ING1: variants seen among roughly 807,000 people sequenced by gnomAD.
ING1 encodes inhibitor of growth protein 1.
ING1 carries 4 observed loss-of-function variants against 23.1 expected under a neutral mutation model. The ratio of observed to expected loss-of-function variants is 0.17; its 90% CI spans 0.09 to 0.40. The LOEUF (loss-of-function observed/expected upper bound fraction) is 0.40. Among genes scored for constraint, ING1 ranks in the 10% least tolerant of loss-of-function variants. The pLI is 1.00. For missense variants in ING1, 256 were observed against 393.8 expected (o/e 0.65, Z 2.96); for synonymous variants, 179 against 166.4 (o/e 1.08, Z -0.58).
intron 1 of ING1, chr13:110,715,819 C>A: frequency 6.3e-7 from 1 of 1,584,298 alleles, no homozygotes; most frequent in South Asian, 1.1e-5. Context: ...GTCGCCCCGG[C>A]CCCTCTCCCC....
intron 1 of ING1, among the ~76,000 whole-genome samples, chr13:110,718,668 TAAAATAAAGA>T (rs2064143606): frequency 6.6e-6 from 1 of 152,058 alleles, no homozygotes; most frequent in African/African-American, 2.4e-5. Flanking sequence ...GTTGGTATAT[TAAAATAAAGA>T]AAATAAAGAC....
Position 110,719,842 on chromosome 13 carries a change from G to C in ING1, c.750G>C (p.Lys250Asn). The change falls in exon 2 of 2, where the codon AAG (lysine) becomes AAC (asparagine). Residue 250 changes from lysine to asparagine, a missense_variant. This residue lies in a region of ING1 where 25 missense variants were observed against 95.8 expected (regional missense o/e 0.26). Coordinates refer to ENST00000333219, the MANE Select transcript of ING1 (RefSeq NM_198219.3). This position sits in a 1 kb window ranked among gnomAD's most constrained non-coding sequence, Gnocchi z 8.9. Reference protein sequence around the residue: ...CVGLNHKPKGKWYCPKCRGEN... With the variant: ...CVGLNHKPKGNWYCPKCRGEN... ...GGCTCAATCATAAACCCAAGGGCAA[G>C]TGGTACTGTCCCAAGTGCCGGGGGG... 6.2e-7 allele frequency: 1 copy of C among 1,614,018 alleles called. No homozygotes were observed. The highest frequency in any genetic ancestry group is 8.5e-7 in the Non-Finnish European group (1 of 1,180,010).
At position 110,714,293 on chromosome 13, in the gene ING1, C is replaced by G. The variant is rs770321861; in HGVS notation, c.136+8C>G. ...TCGACGCGAAATACCAAGGTACGGC[C>G]GGGTGATGGATGGGCGGGGGCGGCC... On this transcript the variant is annotated splice_region_variant and intron_variant, in intron 1 of 1. Coordinates refer to ENST00000333219, the MANE Select transcript of ING1 (RefSeq NM_198219.3). The G allele has an allele frequency of 6.6e-7, 1 of 1,520,850 alleles. No homozygotes were observed. 94.2% of individuals were successfully genotyped at this position (1,520,850 alleles called of 1,614,324 possible).
In ING1 at chr13:110,714,127, G is replaced by T; in HGVS notation, c.-23G>T. 2 of 1,508,832 alleles carry T rather than the reference G, an allele frequency of 1.3e-6. No individual in the cohort carries two copies. The highest frequency in any genetic ancestry group is 2.7e-5 in the East Asian group (1 of 36,776). The allele number at this position is 1,508,832 out of a possible 1,614,324, so 93.5% of individuals were successfully genotyped here. A position where few individuals can be genotyped will look rare whatever the true frequency, so the allele number is the denominator to read the frequency against. On this transcript the variant is annotated 5_prime_UTR_variant, in exon 1 of 2. Coordinates refer to ENST00000333219, the MANE Select transcript of ING1 (RefSeq NM_198219.3). ...AGGAAGCGGAAAGCCGCGCCGAGTCGCCGGGGACCTCCGGGGTGAACCATG... is the reference window on the plus strand; with the variant it reads ...AGGAAGCGGAAAGCCGCGCCGAGTCTCCGGGGACCTCCGGGGTGAACCATG...
rs2064076529 is a variant in ING1 at position 110,714,061 on chromosome 13, T to G, written c.-89T>G. 1.5e-6 allele frequency: 2 copies of G among 1,347,400 alleles called. No individual in the cohort carries two copies. Among genetic ancestry groups the G allele is most frequent in the East Asian group, 6.1e-5 (2 of 32,904 alleles). The allele number at this position is 1,347,400 out of a possible 1,614,324, so 83.5% of individuals were successfully genotyped here. A position where few individuals can be genotyped will look rare whatever the true frequency, so the allele number is the denominator to read the frequency against. ...GGGGGCGCCGGGAGAGCGAGGGCTT[T>G]GCATTTTGCAGTGCTATTTTTTGAG... On this transcript the variant is annotated 5_prime_UTR_variant, in exon 1 of 2. Transcript: ENST00000333219.
intron 1 of ING1, among the ~76,000 whole-genome samples, chr13:110,714,748 C>A (rs755855723): frequency 1.3e-5 from 2 of 152,192 alleles, no homozygotes; most frequent in African/African-American, 4.8e-5. Context: ...CAACGCCGTT[C>A]CTCTGGCCCT....
chr13:110,713,766 C>T lies in ING1; in HGVS notation c.-384C>T. On this transcript the variant is annotated 5_prime_UTR_variant, in exon 1 of 2. Transcript: ENST00000333219. The stretch of plus-strand genomic sequence containing the variant: ...AGCGCGCCCCTTCCCGCTGCCCGCT[C>T]CGCTCCTCTCTTCTACCCAGCCCAG... The T allele has an allele frequency of 1.0e-6, 1 of 985,096 alleles. No homozygotes were observed. The highest frequency in any genetic ancestry group is 1.2e-6 in the Non-Finnish European group (1 of 829,864). 61.0% of individuals were successfully genotyped at this position (985,096 alleles called of 1,614,324 possible). A position where few individuals can be genotyped will look rare whatever the true frequency, so the allele number is the denominator to read the frequency against.
At chr13:110,718,129 T>G (rs896347182) in intron 1 of ING1, among the ~76,000 whole-genome samples, 1 of 152,236 alleles carries the variant, frequency 6.6e-6, no homozygotes, top group Non-Finnish European at 1.5e-5. Flanking sequence ...TTTTCTTTTG[T>G]TTTTGATAAC....
At chr13:110,714,623 G>C (rs906741476) in intron 1 of ING1, among the ~76,000 whole-genome samples, 3 of 152,180 alleles carry the variant, frequency 2.0e-5, no homozygotes, top group South Asian at 2.1e-4. Flanking sequence ...TGCAGATTAC[G>C]GCGCGAGATG....
Position 110,713,837 on chromosome 13 carries a change from C to A in ING1, c.-313C>A. 2 of 983,156 alleles carry A rather than the reference C, an allele frequency of 2.0e-6. No individual in the cohort carries two copies. The highest frequency in any genetic ancestry group is 9.4e-5 in the South Asian group (2 of 21,284). 60.9% of individuals were successfully genotyped at this position (983,156 alleles called of 1,614,324 possible). A position where few individuals can be genotyped will look rare whatever the true frequency, so the allele number is the denominator to read the frequency against. ...GCCGCGGCGCTGGGCCCTCTCCCGC[C>A]GGTGTGTGCGCGCTCGTACGCGCGG... is the stretch of plus-strand genomic sequence containing the variant. On this transcript the variant is annotated 5_prime_UTR_variant, in exon 1 of 2. Transcript: ENST00000333219.
intron 1 of ING1, 91 bp downstream of exon 1, chr13:110,714,376 C>G: frequency 1.7e-6 from 2 of 1,153,626 alleles, no homozygotes; most frequent in Non-Finnish European, 2.2e-6. Flanking sequence ...TGCCGTGGAC[C>G]GGAGGAAGCG....
In ING1 at chr13:110,720,024, T is replaced by C; in HGVS notation, c.*92T>C. On this transcript the variant is annotated 3_prime_UTR_variant, in exon 2 of 2. Transcript: ENST00000333219. ...GTTGAGGTGCAAGGAGTGTAAAATG[T>C]ATATTTTTAAAGAATGTTAGTAAAG... is the stretch of plus-strand genomic sequence containing the variant. 1 of 915,506 alleles carries C rather than the reference T, an allele frequency of 1.1e-6. No homozygotes were observed. Among genetic ancestry groups the C allele is most frequent in the Non-Finnish European group, 1.6e-6 (1 of 625,570 alleles). 56.7% of individuals were successfully genotyped at this position (915,506 alleles called of 1,614,324 possible).
rs773523475 is a variant in ING1 at position 110,714,295 on chromosome 13, G to A, written c.136+10G>A. 1.9e-6 allele frequency: 3 copies of A among 1,551,438 alleles called. No homozygotes were observed. Among genetic ancestry groups the A allele is most frequent in the East Asian group, 5.2e-5 (2 of 38,222 alleles). On this transcript the variant is annotated intron_variant, in intron 1 of 1. Transcript: ENST00000333219. ...GACGCGAAATACCAAGGTACGGCCG[G>A]GTGATGGATGGGCGGGGGCGGCCGC...
chr13:110,714,353 G>A (rs983178067), intron 1 of ING1, 68 bp downstream of exon 1: 3 of 1,410,242 alleles, frequency 2.1e-6, no homozygotes, highest in Middle Eastern at 1.9e-4. Flanking sequence ...GCGCCGCGGA[G>A]CCGGGCCGGT....
chr13:110,716,366 G>A (rs1341757643), intron 1 of ING1, among the ~76,000 whole-genome samples: 1 of 152,272 alleles, frequency 6.6e-6, no homozygotes, highest in Admixed American at 6.5e-5. Flanking sequence ...AGCTGGGAGC[G>A]CCGAGAAGCG....
chr13:110,715,514 CTAGCGCAATAACTGGT>C (rs1566379013), intron 1 of ING1: 1 of 1,614,138 alleles, frequency 6.2e-7, no homozygotes, highest in Non-Finnish European at 8.5e-7. Context: ...GAAGGCGGGC[CTAGCGCAATAACTGGT>C]ATGGGTCTGT....
rs1193764072 is a variant in ING1 at position 110,719,883 on chromosome 13, T to G, written c.791T>G (p.Met264Arg). The G allele has an allele frequency of 6.2e-7, 1 of 1,612,288 alleles. No homozygotes were observed. The highest frequency in any genetic ancestry group is 8.5e-7 in the Non-Finnish European group (1 of 1,179,568). ...PKCRGENEKT[M>R]DKALEKSKKE... ...TGCCGGGGGGAGAACGAGAAGACCA[T>G]GGACAAAGCCCTGGAGAAATCCAAA... The change falls in exon 2 of 2, where the codon ATG (methionine) becomes AGG (arginine). Residue 264 changes from methionine (M) to arginine (R), a missense_variant. Coordinates refer to ENST00000333219, the MANE Select transcript of ING1 (RefSeq NM_198219.3). The surrounding 1 kb of genome is among the most constrained non-coding windows in gnomAD (Gnocchi z 8.9).
At chr13:110,714,543 T>C (rs1311086119) in intron 1 of ING1, among the ~76,000 whole-genome samples, 2 of 148,546 alleles carry the variant, frequency 1.3e-5, no homozygotes, top group Non-Finnish European at 3.0e-5. Flanking sequence ...GCGCTCTTTG[T>C]AGTGAAGTGA....
rs1003302364 is a variant in ING1, at chr13:110,722,887, A to G, written c.*2955A>G. The G allele has an allele frequency of 6.6e-6, 1 of 152,216 alleles. No homozygotes were observed. The highest frequency in any genetic ancestry group is 2.4e-5 in the African/African-American group (1 of 41,450). The allele number at this position is 152,216 out of a possible 1,614,324, so 9.4% of individuals were successfully genotyped here. A position where few individuals can be genotyped will look rare whatever the true frequency, so the allele number is the denominator to read the frequency against. ...GATTTGGGATTTAGATCATGATTAGATACAATAGAAAGATCCTGGAATCCC... is the reference window on the plus strand; with the variant it reads ...GATTTGGGATTTAGATCATGATTAGGTACAATAGAAAGATCCTGGAATCCC... On this transcript the variant is annotated 3_prime_UTR_variant, in exon 2 of 2. Coordinates refer to ENST00000333219, the MANE Select transcript of ING1 (RefSeq NM_198219.3).
Sources: gnomAD v4.1 joint callset for allele counts (sites outside exome capture counted in the v4.1 genomes callset) on GRCh38, gnomAD v4.1.1 for gene constraint, gnomAD v4.1.1 regional missense constraint, Gnocchi (gnomAD v3.1) non-coding constraint, MANE v1.5 for transcripts, NCBI Gene and HGNC (gene_info 2026-07-23, HGNC 2026-07-21) for gene names.